Variants in ELAPOR2 observed in about 807,000 individuals in gnomAD.
ELAPOR2 encodes endosome-lysosome associated apoptosis and autophagy regulator family member 2.
A neutral mutation model predicts 120.7 loss-of-function variants in ELAPOR2; 89 were observed. That is an observed-to-expected ratio of 0.74 (90% CI 0.62 to 0.88). The LOEUF is 0.88. ELAPOR2 is among the 40% of genes least tolerant of loss of function. The pLI, the probability that ELAPOR2 is intolerant of heterozygous loss-of-function variation, is 0.00. For synonymous variants in ELAPOR2, 444 were observed against 444.9 expected, an observed-to-expected ratio of 1.00 and a Z score of 0.03; for missense variants, 1,134 against 1,251.6, an observed-to-expected ratio of 0.91 and a Z score of 1.42.
chr7:87,043,727 C>T (rs1039877164), intron 1 of ELAPOR2, among the ~76,000 whole-genome samples: 3 of 151,336 alleles, frequency 2.0e-5, no homozygotes, highest in Non-Finnish European at 2.9e-5. Flanking sequence ...TCTCTCCACT[C>T]CTATTCAACA....
chr7:86,920,143 C>T (rs1226762332), intron 10 of ELAPOR2, among the ~76,000 whole-genome samples: 1 of 151,990 alleles, frequency 6.6e-6, no homozygotes, highest in Admixed American at 6.6e-5. Context: ...ACTGACTTGG[C>T]GATTTTTGAA....
intron 1 of ELAPOR2, among the ~76,000 whole-genome samples, chr7:86,987,480 G>A (rs1792788704): frequency 6.6e-6 from 1 of 152,024 alleles, no homozygotes; most frequent in East Asian, 1.9e-4. Flanking sequence ...AATCTACAAA[G>A]AACTTAAACA....
intron 1 of ELAPOR2, among the ~76,000 whole-genome samples, chr7:87,011,518 C>T (rs933786275): frequency 2.6e-5 from 4 of 152,136 alleles, no homozygotes; most frequent in Non-Finnish European, 5.9e-5. Flanking sequence ...ATATTTATAA[C>T]TCTTTTTAAT....
intron 10 of ELAPOR2, among the ~76,000 whole-genome samples, chr7:86,921,079 T>C (rs1344608553): frequency 6.6e-6 from 1 of 152,064 alleles, no homozygotes; most frequent in East Asian, 1.9e-4. Flanking sequence ...TCAGGACAGT[T>C]TAGGGAAGTT....
intron 2 of ELAPOR2, 54 bp from the exon 3 acceptor site, chr7:86,947,976 C>G: frequency 2.5e-6 from 3 of 1,212,712 alleles, no homozygotes; most frequent in Non-Finnish European, 3.5e-6. Flanking sequence ...CAATTTCCTC[C>G]CCTTCATGCT....
intron 1 of ELAPOR2, among the ~76,000 whole-genome samples, chr7:86,975,102 G>T (rs966157519): frequency 3.3e-5 from 5 of 152,202 alleles, no homozygotes; most frequent in Admixed American, 6.5e-5. Context: ...AGAGATGATG[G>T]AGCACAGACA....
chr7:86,967,368 T>C (rs1791947517), intron 1 of ELAPOR2, among the ~76,000 whole-genome samples: 1 of 152,002 alleles, frequency 6.6e-6, no homozygotes, highest in African/African-American at 2.4e-5. Context: ...GGCATGAGAA[T>C]CACTTGAATG....
intron 1 of ELAPOR2, among the ~76,000 whole-genome samples, chr7:86,966,603 C>A (rs900457211): frequency 3.3e-5 from 5 of 152,300 alleles, no homozygotes; most frequent in Middle Eastern, 6.8e-3. Context: ...GTGTTTGTTA[C>A]AACAACACTT....
At chr7:86,881,853 C>T (rs1799423589) in intron 21 of ELAPOR2, among the ~76,000 whole-genome samples, 1 of 152,164 alleles carries the variant, frequency 6.6e-6, no homozygotes, top group African/African-American at 2.4e-5. Context: ...ATCAGTCTCA[C>T]ATGCAAATAG....
At chr7:86,918,734 A>G (rs921445215) in intron 11 of ELAPOR2, among the ~76,000 whole-genome samples, 190 bp from the exon 12 acceptor site, 1 of 152,152 alleles carries the variant, frequency 6.6e-6, no homozygotes, top group African/African-American at 2.4e-5. Context: ...TTGAGTCCAC[A>G]TAACGATGGT....
intron 1 of ELAPOR2, among the ~76,000 whole-genome samples, chr7:87,001,383 G>A (rs1472403786): frequency 2.0e-5 from 3 of 152,154 alleles, no homozygotes; most frequent in South Asian, 4.1e-4. Context: ...AGGAGAAAAT[G>A]TCTAAACGTG....
intron 10 of ELAPOR2, among the ~76,000 whole-genome samples, chr7:86,925,052 C>T (rs962789862): frequency 6.6e-6 from 1 of 152,030 alleles, no homozygotes; most frequent in African/African-American, 2.4e-5. Context: ...AACTCTGCCA[C>T]ATTTTCAAAT....
In ELAPOR2 at chr7:86,997,281, C is replaced by T. The variant is rs114306001; in HGVS notation, c.190-32257G>A. On this transcript the variant is annotated intron_variant, in intron 1 of 21. Transcript: ENST00000450689. ...TGAATGGATGGCATTCATATACAAA[C>T]TTAAATGAAAGCAGATGCCCATCAC... 1.9e-3 allele frequency among the ~76,000 whole-genome samples: 294 copies of T among 150,986 alleles called. 2 individuals carry two copies. Among genetic ancestry groups the T allele is most frequent in the African/African-American group, 6.5e-3 (265 of 40,974 alleles).
chr7:86,936,613 T>C (rs926701642), intron 8 of ELAPOR2, among the ~76,000 whole-genome samples: 2 of 152,092 alleles, frequency 1.3e-5, no homozygotes, highest in Admixed American at 6.6e-5. Flanking sequence ...CAAGAACATG[T>C]TCAAATTTCA....
chr7:86,942,548 A>G (rs770002705), intron 4 of ELAPOR2, among the ~76,000 whole-genome samples: 19 of 152,138 alleles, frequency 1.2e-4, no homozygotes, highest in Non-Finnish European at 2.5e-4. Context: ...TTAAAAATAA[A>G]TAAAGTCCAC....
In ELAPOR2 at chr7:86,880,513, A is replaced by G; in HGVS notation, c.3048T>C (p.Phe1016=). ...TTGAGGTTTTCAGTTGAACAGATTC[A>G]AAATGGTCTTCTTTTTCCTAAGAAA... ...SLATKEKEDH[F]ESVQLKTSRS... The change falls in exon 22 of 22, where the codon TTT becomes TTC. Residue 1016 remains phenylalanine, a synonymous_variant. Coordinates refer to ENST00000450689, the MANE Select transcript of ELAPOR2 (RefSeq NM_001142749.3). 3 of 1,606,908 alleles carry G rather than the reference A, an allele frequency of 1.9e-6. No homozygotes were observed. The highest frequency in any genetic ancestry group is 2.6e-6 in the Non-Finnish European group (3 of 1,173,888).
At chr7:87,021,549 C>A (rs183833740) in intron 1 of ELAPOR2, among the ~76,000 whole-genome samples, 7 of 152,088 alleles carry the variant, frequency 4.6e-5, no homozygotes, top group African/African-American at 7.2e-5. Flanking sequence ...TGAATAACAA[C>A]CTTCTACGTA....
At position 86,910,355 on chromosome 7, in the gene ELAPOR2, G is replaced by A. The variant is rs1179603654; in HGVS notation, c.2170-354C>T. On this transcript the variant is annotated intron_variant, in intron 15 of 21. Transcript: ENST00000450689. The stretch of plus-strand genomic sequence containing the variant: ...CATAGAGTAACAATGCATGCAAAAA[G>A]ACCAGAAAACTGCTGATGAAAGCTT... Among the ~76,000 whole-genome samples the A allele has an allele frequency of 2.6e-5, 4 of 152,064 alleles. No individual in the cohort carries two copies. The East Asian group carries it at 7.7e-4, about 29-fold the overall frequency.
chr7:86,884,231 G>A (rs1296071185), intron 21 of ELAPOR2, among the ~76,000 whole-genome samples: 2 of 152,118 alleles, frequency 1.3e-5, no homozygotes, highest in African/African-American at 2.4e-5. Flanking sequence ...TAATTGGAGA[G>A]GTGACTGCTT....
Sources: gnomAD v4.1 joint callset for allele counts (sites outside exome capture counted in the v4.1 genomes callset) on GRCh38, gnomAD v4.1.1 for gene constraint, MANE v1.5 for transcripts, NCBI Gene and HGNC (gene_info 2026-07-23, HGNC 2026-07-21) for gene names.